Variants in SEZ6L observed in about 807,000 individuals in gnomAD.
SEZ6L encodes the protein seizure 6-like protein.
SEZ6L carries 37 observed loss-of-function variants against 106.2 expected under a neutral mutation model. That is an observed-to-expected ratio of 0.35 (90% confidence interval 0.27 to 0.46). The LOEUF is 0.46. Ranked by LOEUF, SEZ6L falls within the 20% of genes least tolerant of loss-of-function variation. The pLI is 1.00. For synonymous variants in SEZ6L, 541 were observed against 570.4 expected (o/e 0.95, Z 0.73); for missense variants, 1,172 against 1,332.8 (o/e 0.88, Z 1.88).
chr22:26,189,865 A>G (rs1191049307), intron 1 of SEZ6L, among the ~76,000 whole-genome samples: 1 of 152,104 alleles, frequency 6.6e-6, no homozygotes, highest in Non-Finnish European at 1.5e-5. Context: ...TGGGAGGCCG[A>G]GGCGGGCGGG....
Position 26,310,654 on chromosome 22 carries a change from C to T in SEZ6L, c.1515-16C>T, listed in dbSNP as rs754273842. ...GAAGATCTGTCAGTGTCCCTCCTCT[C>T]TGCTCCCACTGCCAGGATGACGGTT... On this transcript the variant is annotated splice_polypyrimidine_tract_variant and intron_variant, in intron 6 of 16. Transcript: ENST00000248933. 3 of 1,613,870 alleles carry T rather than the reference C, an allele frequency of 1.9e-6. No individual in the cohort carries two copies. The highest frequency in any genetic ancestry group is 2.2e-5 in the South Asian group (2 of 91,020).
chr22:26,292,216 GAGAA>G lies in SEZ6L; in HGVS notation c.95-186_95-183del, dbSNP rs1165236794. Reference sequence around the variant, plus strand: ...GGTGGGAGGAAAAGAAGGAAGAAAAGAGAAAGAGGGAGAGAGGGAAGGAGGAGAA... The same window carrying G: ...GGTGGGAGGAAAAGAAGGAAGAAAAGAGAGGGAGAGAGGGAAGGAGGAGAA... On this transcript the variant is annotated intron_variant, in intron 1 of 16. Coordinates refer to ENST00000248933, the MANE Select transcript of SEZ6L (RefSeq NM_021115.5). 109 of 534,280 alleles carry G rather than the reference GAGAA, an allele frequency of 2.0e-4. No homozygotes were observed. In the East Asian group the frequency reaches 3.2e-3, roughly 15 times the overall value. The allele number at this position is 534,280 out of a possible 1,614,324, so 33.1% of individuals were successfully genotyped here. A position where few individuals can be genotyped will look rare whatever the true frequency, so the allele number is the denominator to read the frequency against.
intron 9 of SEZ6L, among the ~76,000 whole-genome samples, chr22:26,328,173 G>A (rs1039639403): frequency 2.6e-5 from 4 of 152,166 alleles, no homozygotes; most frequent in Non-Finnish European, 4.4e-5. Context: ...ACTGAGACCC[G>A]GGTTGGGAAG....
chr22:26,207,836 C>T (rs1941354700), intron 1 of SEZ6L, among the ~76,000 whole-genome samples: 1 of 151,952 alleles, frequency 6.6e-6, no homozygotes, highest in African/African-American at 2.4e-5. Context: ...GCTGTGGTCG[C>T]TGTGTGTAAT....
In SEZ6L at chr22:26,263,089, A is replaced by G. The variant is rs77076096; in HGVS notation, c.95-29317A>G. ...AATTCCTATGGAAAGGACTCTTGGT[A>G]TCACTCAGCACTTTCATGCTTCCCA... On this transcript the variant is annotated intron_variant, in intron 1 of 16. Transcript: ENST00000248933. Among the ~76,000 whole-genome samples the G allele has an allele frequency of 1.7e-3, 261 of 152,322 alleles. 1 individual carries two copies. Among genetic ancestry groups the G allele is most frequent in the African/African-American group, 5.9e-3 (244 of 41,560 alleles).
chr22:26,355,225 A>C (rs1465039760), intron 12 of SEZ6L, among the ~76,000 whole-genome samples: 1 of 152,250 alleles, frequency 6.6e-6, no homozygotes, highest in Non-Finnish European at 1.5e-5. Flanking sequence ...TCCACTTAAA[A>C]GCAGGCAAAG....
Position 26,340,382 on chromosome 22 carries a change from A to G in SEZ6L, c.2016-54A>G, listed in dbSNP as rs1285182808. ...GCCTGAAAAAGTTAATCAAGGGTTT[A>G]TTGAATGCCCATTCTCTATTTCACA... On this transcript the variant is annotated intron_variant, in intron 9 of 16. Coordinates refer to ENST00000248933, the MANE Select transcript of SEZ6L (RefSeq NM_021115.5). 5 of 1,511,230 alleles carry G rather than the reference A, an allele frequency of 3.3e-6. No individual in the cohort carries two copies. In the Middle Eastern group the frequency reaches 5.3e-4, roughly 161 times the overall value. The allele number at this position is 1,511,230 out of a possible 1,614,324, so 93.6% of individuals were successfully genotyped here. A position where few individuals can be genotyped will look rare whatever the true frequency, so the allele number is the denominator to read the frequency against.
chr22:26,283,989 T>A (rs905890012), intron 1 of SEZ6L, among the ~76,000 whole-genome samples: 2 of 152,264 alleles, frequency 1.3e-5, no homozygotes, highest in East Asian at 3.8e-4. Context: ...GTGATAACTT[T>A]GTAAATGTTC....
chr22:26,274,846 T>G (rs2145846144), intron 1 of SEZ6L, among the ~76,000 whole-genome samples: 1 of 152,142 alleles, frequency 6.6e-6, no homozygotes, highest in Middle Eastern at 3.4e-3. Context: ...GTGCCCAGGG[T>G]TTTATCTGGG....
chr22:26,297,011 A>G lies in SEZ6L; in HGVS notation c.1093A>G (p.Asn365Asp), dbSNP rs764103368. 1.9e-6 allele frequency: 3 copies of G among 1,614,112 alleles called. No homozygotes were observed. Among genetic ancestry groups the G allele is most frequent in the Middle Eastern group, 3.3e-4 (2 of 6,062 alleles). The change falls in exon 4 of 17, where the codon AAC becomes GAC. Residue 365 changes from asparagine to aspartate, a missense_variant. By Grantham distance (23) the Asn-to-Asp change is conservative. Coordinates refer to ENST00000248933, the MANE Select transcript of SEZ6L (RefSeq NM_021115.5). Reference sequence around the variant, plus strand: ...GGGGCAGGTAATCCGAAGCCCCACCAACACCATCTCCGTCTACTTCCGGAC... The same window carrying G: ...GGGGCAGGTAATCCGAAGCCCCACCGACACCATCTCCGTCTACTTCCGGAC... The part of the protein sequence containing the change: ...VEGQVIRSPT[N>D]TISVYFRTFQ...
At chr22:26,227,842 C>T (rs10427980) in intron 1 of SEZ6L, among the ~76,000 whole-genome samples, 3,062 of 152,326 alleles carry the variant, frequency 0.02, 111 homozygotes, top group African/African-American at 0.07. Flanking sequence ...AGAGTGGCCT[C>T]TGCCCTCCAG....
chr22:26,247,433 G>A (rs1202785048), intron 1 of SEZ6L, among the ~76,000 whole-genome samples: 1 of 152,150 alleles, frequency 6.6e-6, no homozygotes, highest in Admixed American at 6.5e-5. Flanking sequence ...ATTGGATTGG[G>A]GTGGGCCTTA....
At chr22:26,365,860 G>C (rs1388477936) in intron 13 of SEZ6L, among the ~76,000 whole-genome samples, 2 of 151,292 alleles carry the variant, frequency 1.3e-5, no homozygotes, top group Non-Finnish European at 2.9e-5. Context: ...GACAGAACGA[G>C]ACTCTATCTC....
At chr22:26,172,435 G>A (rs1302982995) in intron 1 of SEZ6L, among the ~76,000 whole-genome samples, 4 of 152,156 alleles carry the variant, frequency 2.6e-5, no homozygotes, top group Non-Finnish European at 4.4e-5. Flanking sequence ...AGGGCAAAAG[G>A]ATATTTTCTG....
At chr22:26,240,067 G>GAC (rs67141647) in intron 1 of SEZ6L, among the ~76,000 whole-genome samples, 10,597 of 135,890 alleles carry the variant, frequency 0.078, 519 homozygotes, top group East Asian at 0.24. Context: ...CACACATACA[G>GAC]ACACACACAC....
chr22:26,325,588 G>A (rs1419472689), intron 9 of SEZ6L, among the ~76,000 whole-genome samples: 1 of 152,148 alleles, frequency 6.6e-6, no homozygotes, highest in African/African-American at 2.4e-5. Context: ...ACTCTGGAAA[G>A]ATCTTGAATT....
Position 26,169,696 on chromosome 22 carries a change from G to T in SEZ6L, c.27G>T (p.Ala9=). Residue 9 remains alanine (A), a synonymous_variant, in exon 1 of 17, where the codon GCG becomes GCT. Transcript: ENST00000248933. The stretch of plus-strand genomic sequence containing the variant: ...TGCCCGCGGCCCGGCCGCCCGCCGC[G>T]GGACTCCGCGGGATCTCGCTGTTCC... MPAARPPA[A]GLRGISLFLA... is the part of the protein sequence containing the mutation. 2 of 1,314,878 alleles carry T rather than the reference G, an allele frequency of 1.5e-6. No individual in the cohort carries two copies. Among genetic ancestry groups the T allele is most frequent in the South Asian group, 4.3e-5 (2 of 46,204 alleles). The allele number at this position is 1,314,878 out of a possible 1,614,324, so 81.5% of individuals were successfully genotyped here.
intron 1 of SEZ6L, among the ~76,000 whole-genome samples, chr22:26,267,850 G>C (rs140304479): frequency 9.8e-5 from 15 of 152,334 alleles, no homozygotes; most frequent in Admixed American, 9.1e-4. Flanking sequence ...TAAGAGGCAG[G>C]AGTTAGAGGG....
intron 10 of SEZ6L, among the ~76,000 whole-genome samples, chr22:26,342,555 G>C (rs2082871665): frequency 6.6e-6 from 1 of 152,082 alleles, no homozygotes; most frequent in Non-Finnish European, 1.5e-5. Context: ...CATTAGCTGG[G>C]TGTGGTGGCA....
Sources: gnomAD v4.1 joint callset for allele counts (sites outside exome capture counted in the v4.1 genomes callset) on GRCh38, gnomAD v4.1.1 for gene constraint, MANE v1.5 for transcripts, NCBI Gene and HGNC (gene_info 2026-07-23, HGNC 2026-07-21) for gene names.